The following SLC25A12 variants were observed in gnomAD, a reference collection of about 807,000 sequenced individuals.
SLC25A12 encodes solute carrier family 25 member 12, also known as electrogenic aspartate/glutamate antiporter SLC25A12, mitochondrial.
A neutral mutation model predicts 83.3 loss-of-function variants in SLC25A12; 32 were observed. That is an observed-to-expected ratio of 0.38 (90% CI 0.29 to 0.52). The LOEUF is 0.52. Among genes scored for constraint, SLC25A12 ranks in the 20% least tolerant of loss-of-function variants. SLC25A12 has a pLI of 0.84. For missense variants in SLC25A12, 611 were observed against 835.6 expected (o/e 0.73, Z 3.31); for synonymous variants, 267 against 291.1 (o/e 0.92, Z 0.84).
chr2:171,880,664 G>T (rs189091098), intron 2 of SLC25A12, among the ~76,000 whole-genome samples: 9 of 152,316 alleles, frequency 5.9e-5, no homozygotes, highest in Non-Finnish European at 1.2e-4. Context: ...CCATCAGCCA[G>T]AGAGTTTGCA....
chr2:171,805,973 G>T (rs980721442), intron 13 of SLC25A12, among the ~76,000 whole-genome samples: 9 of 151,784 alleles, frequency 5.9e-5, no homozygotes, highest in African/African-American at 2.2e-4. Context: ...GCAGAGGATG[G>T]TGGCATGCAC....
intron 2 of SLC25A12, among the ~76,000 whole-genome samples, chr2:171,886,703 G>T (rs561652473): frequency 4.0e-5 from 6 of 151,828 alleles, no homozygotes; most frequent in African/African-American, 1.5e-4. Context: ...GTAGAGACAG[G>T]GTTTCACCAT....
intron 2 of SLC25A12, among the ~76,000 whole-genome samples, chr2:171,888,656 T>C (rs1400639519): frequency 6.6e-6 from 1 of 152,068 alleles, no homozygotes; most frequent in African/African-American, 2.4e-5. Flanking sequence ...TTGCCCAGGC[T>C]GGTCTCAAAC....
intron 3 of SLC25A12, among the ~76,000 whole-genome samples, chr2:171,858,620 C>T (rs922454153): frequency 2.5e-4 from 38 of 152,194 alleles, no homozygotes; most frequent in African/African-American, 8.7e-4. Context: ...ATGCAAAGTA[C>T]TGTTTTTTAG....
At chr2:171,787,510 G>T in intron 17 of SLC25A12, 61 bp downstream of exon 17, 3 of 1,295,946 alleles carry the variant, frequency 2.3e-6, no homozygotes, top group Non-Finnish European at 2.2e-6. Flanking sequence ...TTTGTAGACA[G>T]AACAAACATT....
intron 2 of SLC25A12, among the ~76,000 whole-genome samples, chr2:171,885,914 T>G (rs1014684863): frequency 1.3e-5 from 2 of 152,214 alleles, no homozygotes; most frequent in African/African-American, 2.4e-5. Context: ...GCTTAATACA[T>G]ATACATTGAG....
At chr2:171,878,996 A>T (rs1403679293) in intron 2 of SLC25A12, among the ~76,000 whole-genome samples, 1 of 152,208 alleles carries the variant, frequency 6.6e-6, no homozygotes, top group African/African-American at 2.4e-5. Flanking sequence ...AAACAGTACA[A>T]TGTGTAATTT....
At position 171,868,710 on chromosome 2, in the gene SLC25A12, C is replaced by A; in HGVS notation, c.180G>T (p.Leu60Phe). The A allele has an allele frequency of 6.2e-7, 1 of 1,613,978 alleles. No individual in the cohort carries two copies. Among genetic ancestry groups the A allele is most frequent in the Middle Eastern group, 1.6e-4 (1 of 6,062 alleles). Reference sequence around the variant, plus strand: ...CCTTGGTTTGATCAGCTACTCCTGCCAAGAGCTGCACGATCTTTGGGTTAC... The same window carrying A: ...CCTTGGTTTGATCAGCTACTCCTGCAAAGAGCTGCACGATCTTTGGGTTAC... ...PNSNPKIVQL[L>F]AGVADQTKDG... Residue 60 changes from leucine (L) to phenylalanine (F), a missense_variant, in exon 3 of 18, where the codon TTG (leucine) becomes TTT (phenylalanine). Leu to Phe is a conservative substitution (Grantham distance 22). Around this residue, in one of 3 missense-constraint regions of SLC25A12, gnomAD observed 540 missense variants for 777.5 expected, o/e 0.69. Transcript: ENST00000422440.
intron 2 of SLC25A12, among the ~76,000 whole-genome samples, chr2:171,877,872 T>G (rs977111327): frequency 6.6e-6 from 1 of 152,228 alleles, no homozygotes; most frequent in South Asian, 2.1e-4. Context: ...AACAGATCCT[T>G]TGATGTTTTA....
intron 14 of SLC25A12, 33 bp from the exon 15 acceptor site, chr2:171,791,622 T>C (rs1286993362): frequency 7.5e-6 from 12 of 1,609,662 alleles, no homozygotes; most frequent in African/African-American, 1.3e-5. Flanking sequence ...TGCAAAACAG[T>C]GTGAAACTGA....
rs1472154066 is a variant in SLC25A12, at chr2:171,786,364, AC to A, written c.1836-890del. On this transcript the variant is annotated intron_variant, in intron 17 of 17. Coordinates refer to ENST00000422440, the MANE Select transcript of SLC25A12 (RefSeq NM_003705.5). ...GTACCACTGCACTCCAGCCTGGGCG[AC>A]AGAGCAAGACTCCGTCTAAAAAAAA... Among the ~76,000 whole-genome samples the A allele has an allele frequency of 5.0e-5, 7 of 138,850 alleles. No homozygotes were observed. The East Asian group carries it at 1.5e-3, about 30-fold the overall frequency. 91.1% of individuals were successfully genotyped at this position (138,850 alleles called of 152,430 possible).
At chr2:171,884,040 T>A (rs1685756545) in intron 2 of SLC25A12, among the ~76,000 whole-genome samples, 1 of 151,374 alleles carries the variant, frequency 6.6e-6, no homozygotes, top group Non-Finnish European at 1.5e-5. Context: ...TCTTTTCTTT[T>A]TTATCTTTTT....
chr2:171,845,022 T>C (rs540364442), intron 4 of SLC25A12, among the ~76,000 whole-genome samples: 400 of 152,302 alleles, frequency 2.6e-3, no homozygotes, highest in Non-Finnish European at 4.7e-3. Flanking sequence ...AGCATATCAT[T>C]AGCTCAGCAG....
At chr2:171,832,332 C>T (rs895071198) in intron 8 of SLC25A12, among the ~76,000 whole-genome samples, 1 of 152,162 alleles carries the variant, frequency 6.6e-6, no homozygotes, top group Non-Finnish European at 1.5e-5. Context: ...AGGATACTTC[C>T]CAAGGTCCTT....
chr2:171,848,226 A>C, intron 4 of SLC25A12: 1 of 471,074 alleles, frequency 2.1e-6, no homozygotes, highest in Non-Finnish European at 4.4e-6. Context: ...CTGTTCCATG[A>C]ATGAGCCTGG....
chr2:171,862,874 T>C (rs1558935972), intron 3 of SLC25A12, among the ~76,000 whole-genome samples: 1 of 151,716 alleles, frequency 6.6e-6, no homozygotes, highest in African/African-American at 2.4e-5. Flanking sequence ...GGGTAGAAAA[T>C]AGAAAGAGGG....
intron 5 of SLC25A12, among the ~76,000 whole-genome samples, chr2:171,839,620 C>A (rs1684630976): frequency 6.6e-6 from 1 of 152,008 alleles, no homozygotes; most frequent in Non-Finnish European, 1.5e-5. Context: ...AAGAACAAAA[C>A]AAAACAAAAC....
chr2:171,866,979 C>A (rs1685336090), intron 3 of SLC25A12, among the ~76,000 whole-genome samples: 1 of 145,632 alleles, frequency 6.9e-6, no homozygotes, highest in African/African-American at 2.5e-5. Context: ...CAGAGACGCT[C>A]CTCACCTCCC....
intron 13 of SLC25A12, among the ~76,000 whole-genome samples, chr2:171,795,452 T>C (rs1161662328): frequency 1.3e-5 from 2 of 152,252 alleles, no homozygotes; most frequent in African/African-American, 4.8e-5. Flanking sequence ...ATTGCTCCTG[T>C]AGCTAGTATT....
Sources: gnomAD v4.1 joint callset for allele counts (sites outside exome capture counted in the v4.1 genomes callset) on GRCh38, gnomAD v4.1.1 for gene constraint, gnomAD v4.1.1 regional missense constraint, MANE v1.5 for transcripts, NCBI Gene and HGNC (gene_info 2026-07-23, HGNC 2026-07-21) for gene names.